Variants in TTC8 observed in about 807,000 individuals in gnomAD.
TTC8 encodes tetratricopeptide repeat protein 8.
Under a neutral mutation model 72.5 loss-of-function variants are expected in TTC8, and 47 were observed. That is an observed-to-expected ratio of 0.65 (90% CI 0.51 to 0.83). TTC8 has a LOEUF of 0.83. Ranked by LOEUF, TTC8 falls within the 40% of genes least tolerant of loss-of-function variation. The pLI is 0.00. For synonymous variants in TTC8, 199 were observed against 221.4 expected, an observed-to-expected ratio of 0.90 and a Z score of 0.90; for missense variants, 611 against 623.2, an observed-to-expected ratio of 0.98 and a Z score of 0.21.
At chr14:88,830,299 G>T (rs902814466) in intron 1 of TTC8, among the ~76,000 whole-genome samples, 1 of 152,154 alleles carries the variant, frequency 6.6e-6, no homozygotes, top group African/African-American at 2.4e-5. Flanking sequence ...ATGCTAATGG[G>T]TATTTTCTGG....
chr14:88,848,144 AAAAAAG>A, intron 7 of TTC8, among the ~76,000 whole-genome samples: 1 of 150,888 alleles, frequency 6.6e-6, no homozygotes, highest in Non-Finnish European at 1.5e-5. Context: ...AAAAAAAAAA[AAAAAAG>A]CTGATCTTAA....
intron 1 of TTC8, among the ~76,000 whole-genome samples, chr14:88,825,769 G>A (rs947301607): frequency 1.3e-5 from 2 of 152,160 alleles, no homozygotes; most frequent in Non-Finnish European, 2.9e-5. Context: ...GAGTGTGAAT[G>A]CTGTTACTAG....
intron 14 of TTC8, among the ~76,000 whole-genome samples, chr14:88,876,087 G>A (rs17124933): frequency 0.027 from 4,075 of 152,202 alleles, 134 homozygotes; most frequent in East Asian, 0.16. Flanking sequence ...AGACTTCTGC[G>A]TCCCTTGGCA....
At chr14:88,845,175 T>A (rs17124909) in intron 7 of TTC8, among the ~76,000 whole-genome samples, 1 of 151,862 alleles carries the variant, frequency 6.6e-6, no homozygotes, top group African/African-American at 2.4e-5. Context: ...CCTAGAAAAT[T>A]GGAGTTCCAC....
At chr14:88,845,945 G>A (rs1302313272) in intron 7 of TTC8, among the ~76,000 whole-genome samples, 1 of 152,016 alleles carries the variant, frequency 6.6e-6, no homozygotes, top group Non-Finnish European at 1.5e-5. Flanking sequence ...AAGCAGGAAA[G>A]CAGATAAGGG....
chr14:88,836,525 G>A (rs1258571589), intron 2 of TTC8, among the ~76,000 whole-genome samples: 2 of 149,354 alleles, frequency 1.3e-5, no homozygotes, highest in African/African-American at 4.9e-5. Flanking sequence ...ATTTGACTTT[G>A]ACTTCGGAAG....
chr14:88,853,061 A>G lies in TTC8; in HGVS notation c.710+5A>G. 1 of 1,608,636 alleles carries G rather than the reference A, an allele frequency of 6.2e-7. No individual in the cohort carries two copies. Among genetic ancestry groups the G allele is most frequent in the Non-Finnish European group, 8.5e-7 (1 of 1,175,474 alleles). ...GATTGGAAAATGTTACTACAGGTAA[A>G]TTTCATTATTTGTGAAGGGCTTAGA... On this transcript the variant is annotated splice_donor_5th_base_variant and intron_variant, in intron 8 of 14. Coordinates refer to ENST00000380656, the MANE Select transcript of TTC8 (RefSeq NM_144596.4).
intron 7 of TTC8, among the ~76,000 whole-genome samples, chr14:88,844,357 T>A (rs1424381569): frequency 6.6e-6 from 1 of 152,176 alleles, no homozygotes; most frequent in Non-Finnish European, 1.5e-5. Context: ...TCAAATTGTT[T>A]TGATTTTTGC....
intron 2 of TTC8, among the ~76,000 whole-genome samples, chr14:88,834,645 G>A (rs749580733): frequency 1.1e-4 from 17 of 152,054 alleles, no homozygotes; most frequent in Non-Finnish European, 2.5e-4. Flanking sequence ...GCTGACATTT[G>A]TCTTTTGAAT....
upstream of TTC8, chr14:88,824,567 T>A: frequency 1.6e-6 from 1 of 643,856 alleles, no homozygotes; most frequent in Non-Finnish European, 2.7e-6. Flanking sequence ...CTTTTTCCTG[T>A]TCTCAGGCGC....
intron 9 of TTC8, among the ~76,000 whole-genome samples, chr14:88,859,889 A>AATATATAATATAAATATATTATATATT: frequency 7.3e-6 from 1 of 137,378 alleles, no homozygotes; most frequent in Non-Finnish European, 1.5e-5. Context: ...TATATTATAT[A>AATATATAATATAAATATATTATATATT]ATATATAATA....
chr14:88,871,451 G>C lies in TTC8; in HGVS notation c.1050-98G>C. 1 of 1,103,280 alleles carries C rather than the reference G, an allele frequency of 9.1e-7. No homozygotes were observed. The highest frequency in any genetic ancestry group is 1.3e-6 in the Non-Finnish European group (1 of 758,064). The allele number at this position is 1,103,280 out of a possible 1,614,324, so 68.3% of individuals were successfully genotyped here. A position where few individuals can be genotyped will look rare whatever the true frequency, so the allele number is the denominator to read the frequency against. On this transcript the variant is annotated intron_variant, in intron 11 of 14. Coordinates refer to ENST00000380656, the MANE Select transcript of TTC8 (RefSeq NM_144596.4). This position sits in a 1 kb window ranked among gnomAD's most constrained non-coding sequence, Gnocchi z 4.1. ...TCTTAAGGAGTATCAAAAATCACAA[G>C]ATGAATTCATTTTTAACTGTGTAAA...
chr14:88,825,691 C>T (rs1012138364), intron 1 of TTC8, among the ~76,000 whole-genome samples: 1 of 152,150 alleles, frequency 6.6e-6, no homozygotes, highest in African/African-American at 2.4e-5. Context: ...AGCTTTTCCT[C>T]TAGTGGTGTT....
intron 4 of TTC8, 23 bp downstream of exon 4, chr14:88,840,951 C>T (rs761842204): frequency 6.2e-7 from 1 of 1,614,070 alleles, no homozygotes; most frequent in Non-Finnish European, 8.5e-7. Context: ...GCTTCATAAC[C>T]TCTGCCACTA....
intron 9 of TTC8, 28 bp from the exon 10 acceptor site, chr14:88,861,193 AC>A (rs1181554556): frequency 4.2e-6 from 6 of 1,433,056 alleles, no homozygotes; most frequent in Non-Finnish European, 5.9e-6. Context: ...AAGAACCTAT[AC>A]TTTTATTGAA....
At position 88,846,891 on chromosome 14, in the gene TTC8, C is replaced by T. The variant is rs148661454; in HGVS notation, c.624+3041C>T. On this transcript the variant is annotated intron_variant, in intron 7 of 14. Transcript: ENST00000380656. ...GTGAAATCTTATCGAGACCCTAATACGTAAAACAGACAAAAGGTGAGCTAC... is the reference window on the plus strand; with the variant it reads ...GTGAAATCTTATCGAGACCCTAATATGTAAAACAGACAAAAGGTGAGCTAC... 8.7e-3 allele frequency: 2,866 copies of T among 327,842 alleles called. 32 individuals are homozygous for T. The highest frequency in any genetic ancestry group is 9.0e-3 in the Non-Finnish European group (1,618 of 179,710). The allele number at this position is 327,842 out of a possible 1,614,324, so 20.3% of individuals were successfully genotyped here. A position where few individuals can be genotyped will look rare whatever the true frequency, so the allele number is the denominator to read the frequency against.
Position 88,824,672 on chromosome 14 carries a change from T to C in TTC8, c.-36T>C. On this transcript the variant is annotated 5_prime_UTR_variant, in exon 1 of 15. Transcript: ENST00000380656. The stretch of plus-strand genomic sequence containing the variant: ...CTTCACTCCACGCCCACCTCTCTCC[T>C]GGAGCGCTGGGCCTTCGCTGGCCGC... The C allele has an allele frequency of 6.5e-7, 1 of 1,536,324 alleles. No homozygotes were observed. Among genetic ancestry groups the C allele is most frequent in the Non-Finnish European group, 8.9e-7 (1 of 1,127,994 alleles).
chr14:88,827,689 C>T (rs1344267465), intron 1 of TTC8, among the ~76,000 whole-genome samples: 1 of 152,142 alleles, frequency 6.6e-6, no homozygotes, highest in East Asian at 1.9e-4. Flanking sequence ...CTGTATTTTG[C>T]ACCCAGTTGT....
chr14:88,854,361 A>G (rs184125371), intron 8 of TTC8, among the ~76,000 whole-genome samples: 50 of 152,298 alleles, frequency 3.3e-4, no homozygotes, highest in Admixed American at 3.1e-3. Flanking sequence ...CATATTCAGT[A>G]TTCTTTCACT....
Sources: gnomAD v4.1 joint callset for allele counts (sites outside exome capture counted in the v4.1 genomes callset) on GRCh38, gnomAD v4.1.1 for gene constraint, Gnocchi (gnomAD v3.1) non-coding constraint, MANE v1.5 for transcripts, NCBI Gene and HGNC (gene_info 2026-07-23, HGNC 2026-07-21) for gene names.